Variants in ANO3 observed in about 807,000 individuals in gnomAD.
ANO3 encodes the protein anoctamin 3.
ANO3 carries 99 observed loss-of-function variants against 144.8 expected under a neutral mutation model. The ratio of observed to expected loss-of-function variants is 0.68; its 90% CI spans 0.58 to 0.81. The LOEUF is 0.81. Ranked by LOEUF, ANO3 falls within the 30% of genes least tolerant of loss-of-function variation. The probability of loss-of-function intolerance (pLI) is 0.00; values close to 1 mark genes in which losing one functional copy is unlikely to be tolerated. For missense variants in ANO3, 905 were observed against 1,202.2 expected, an observed-to-expected ratio of 0.75 and a Z score of 3.66; for synonymous variants, 414 against 392.6, an observed-to-expected ratio of 1.05 and a Z score of -0.64.
At chr11:26,257,402 T>A (rs1321007886) in intron 1 of ANO3, among the ~76,000 whole-genome samples, 1 of 152,088 alleles carries the variant, frequency 6.6e-6, no homozygotes, top group East Asian at 1.9e-4. Flanking sequence ...AAACCATTGC[T>A]TCAAATCACT....
At chr11:26,476,609 C>G (rs1040353873) in intron 4 of ANO3, among the ~76,000 whole-genome samples, 2 of 151,960 alleles carry the variant, frequency 1.3e-5, no homozygotes, top group East Asian at 1.9e-4. Context: ...TTTGGACGAT[C>G]TCTGTTTTTA....
chr11:26,621,579 C>T, intron 17 of ANO3, among the ~76,000 whole-genome samples: 1 of 152,130 alleles, frequency 6.6e-6, no homozygotes, highest in East Asian at 1.9e-4. Context: ...TACCAAAACT[C>T]TCTATCCGCT....
intron 1 of ANO3, among the ~76,000 whole-genome samples, chr11:26,317,609 C>T (rs1342306913): frequency 9.2e-5 from 14 of 152,126 alleles, no homozygotes; most frequent in Non-Finnish European, 2.1e-4. Context: ...CAGGAAACAA[C>T]AGATGCTGGA....
At chr11:26,338,201 T>C (rs11029526) in intron 1 of ANO3, among the ~76,000 whole-genome samples, 3,782 of 152,184 alleles carry the variant, frequency 0.025, 80 homozygotes, top group East Asian at 0.12. Context: ...CCAGCTGGAC[T>C]TCCTGGGTTG....
chr11:26,616,632 C>T (rs1191204103), intron 17 of ANO3, among the ~76,000 whole-genome samples: 3 of 152,192 alleles, frequency 2.0e-5, no homozygotes, highest in East Asian at 1.9e-4. Flanking sequence ...GTCCAAGATT[C>T]GATACTTAGT....
chr11:26,470,037 G>C (rs1590388949), intron 4 of ANO3, among the ~76,000 whole-genome samples: 1 of 151,882 alleles, frequency 6.6e-6, no homozygotes, highest in African/African-American at 2.4e-5. Flanking sequence ...CACAAGGAAG[G>C]TTCAGTACCT....
rs1590501510 is a variant in ANO3, at chr11:26,546,148, G to A, written c.1155-1268G>A. On this transcript the variant is annotated intron_variant, in intron 11 of 26. Transcript: ENST00000256737. ...TAAAAACTTTGCTCCACCCCACAGA[G>A]GAACACTTGTTCAAACAAACAAATG... Among the ~76,000 whole-genome samples, 3 of 151,758 alleles carry A rather than the reference G, an allele frequency of 2.0e-5. No homozygotes were observed. In the East Asian group the frequency reaches 5.8e-4, roughly 29 times the overall value.
intron 1 of ANO3, among the ~76,000 whole-genome samples, chr11:26,282,799 CA>C (rs1315643922): frequency 6.6e-6 from 1 of 151,524 alleles, no homozygotes; most frequent in Non-Finnish European, 1.5e-5. Flanking sequence ...AAAAAGAATA[CA>C]AAAGTATAAA....
chr11:26,615,848 T>G (rs1852244632), intron 17 of ANO3, among the ~76,000 whole-genome samples: 1 of 152,204 alleles, frequency 6.6e-6, no homozygotes, highest in South Asian at 2.1e-4. Flanking sequence ...ATTCTTTATA[T>G]CACGTCTGCA....
intron 6 of ANO3, among the ~76,000 whole-genome samples, chr11:26,524,375 G>T (rs984794794): frequency 1.3e-5 from 2 of 152,196 alleles, no homozygotes; most frequent in Admixed American, 6.5e-5. Flanking sequence ...TATGACTGCA[G>T]TGAAATATGG....
At chr11:26,258,101 G>T (rs1312563061) in intron 1 of ANO3, among the ~76,000 whole-genome samples, 2 of 152,038 alleles carry the variant, frequency 1.3e-5, no homozygotes, top group African/African-American at 4.8e-5. Flanking sequence ...TATTTTCAAG[G>T]AAACTTCCAT....
At chr11:26,408,685 T>C (rs1565007999) in intron 1 of ANO3, among the ~76,000 whole-genome samples, 1 of 150,698 alleles carries the variant, frequency 6.6e-6, no homozygotes. Flanking sequence ...CGTATGTTTA[T>C]TGTGGCACTA....
chr11:26,198,463 C>T (rs926102832), intron 1 of ANO3, among the ~76,000 whole-genome samples: 6 of 151,974 alleles, frequency 3.9e-5, no homozygotes, highest in African/African-American at 9.7e-5. Context: ...AAAGTAGAAG[C>T]GTTCTGGCCT....
rs548714910 is a variant in ANO3, at chr11:26,590,864, G to A, written c.1448-7501G>A. On this transcript the variant is annotated intron_variant, in intron 14 of 26. Transcript: ENST00000256737. ...CTCAGCTTGAGCCGTAACAAACACGGACCAGAAGAGTGTGCAGCTGCAAGA... is the reference window on the plus strand; with the variant it reads ...CTCAGCTTGAGCCGTAACAAACACGAACCAGAAGAGTGTGCAGCTGCAAGA... Among the ~76,000 whole-genome samples the A allele has an allele frequency of 2.6e-5, 4 of 152,246 alleles. No homozygotes were observed. The East Asian group carries it at 7.8e-4, about 30-fold the overall frequency.
intron 1 of ANO3, among the ~76,000 whole-genome samples, chr11:26,339,208 G>A (rs1380625414): frequency 6.6e-6 from 1 of 151,500 alleles, no homozygotes; most frequent in Non-Finnish European, 1.5e-5. Flanking sequence ...AGGCTGGAGT[G>A]CAGTGGCACG....
chr11:26,204,384 C>G (rs1339619365), intron 1 of ANO3, among the ~76,000 whole-genome samples: 1 of 152,122 alleles, frequency 6.6e-6, no homozygotes, highest in Non-Finnish European at 1.5e-5. Flanking sequence ...TAAGTAGCTA[C>G]TCTTCAGCTC....
intron 18 of ANO3, among the ~76,000 whole-genome samples, chr11:26,632,034 C>CA (rs1196476031): frequency 2.6e-5 from 4 of 151,314 alleles, no homozygotes; most frequent in Non-Finnish European, 5.9e-5. Context: ...ACCTCCCCAC[C>CA]AAAAAAAGTT....
At chr11:26,209,204 T>C (rs1851880368) in intron 1 of ANO3, among the ~76,000 whole-genome samples, 1 of 152,190 alleles carries the variant, frequency 6.6e-6, no homozygotes, top group Non-Finnish European at 1.5e-5. Flanking sequence ...GTCCATGTAT[T>C]CTCATTGTTC....
chr11:26,624,294 G>A (rs368019738), intron 17 of ANO3, among the ~76,000 whole-genome samples, 168 bp from the exon 18 acceptor site: 2 of 152,270 alleles, frequency 1.3e-5, no homozygotes, highest in East Asian at 3.9e-4. Context: ...TTTCATTCAT[G>A]TATGTATATA....
Sources: gnomAD v4.1 joint callset for allele counts (sites outside exome capture counted in the v4.1 genomes callset) on GRCh38, gnomAD v4.1.1 for gene constraint, MANE v1.5 for transcripts, NCBI Gene and HGNC (gene_info 2026-07-23, HGNC 2026-07-21) for gene names.